Variants in OSBPL1A observed in about 807,000 individuals in gnomAD.
The protein encoded by OSBPL1A is oxysterol-binding protein-related protein 1.
A neutral mutation model predicts 137.1 loss-of-function variants in OSBPL1A; 80 were observed. That is an observed-to-expected ratio of 0.58 (90% CI 0.49 to 0.70). The LOEUF is 0.70. Among genes scored for constraint, OSBPL1A ranks in the 30% least tolerant of loss-of-function variants. The probability of loss-of-function intolerance (pLI) is 0.00; values close to 1 mark genes in which losing one functional copy is unlikely to be tolerated. For missense variants in OSBPL1A, 970 were observed against 1,129.4 expected, an observed-to-expected ratio of 0.86 and a Z score of 2.02; for synonymous variants, 365 against 389.7, an observed-to-expected ratio of 0.94 and a Z score of 0.75.
intron 15 of OSBPL1A, among the ~76,000 whole-genome samples, chr18:24,254,122 C>T (rs990583724): frequency 4.6e-5 from 7 of 152,138 alleles, no homozygotes; most frequent in Non-Finnish European, 7.3e-5. Context: ...GTCATAATTT[C>T]CTCAGTTATA....
chr18:24,312,620 G>A (rs2090638895), intron 12 of OSBPL1A, among the ~76,000 whole-genome samples: 1 of 152,110 alleles, frequency 6.6e-6, no homozygotes, highest in African/African-American at 2.4e-5. Context: ...CAAAAAGAAT[G>A]TTTGGCCTAA....
At chr18:24,379,281 AGGCCGAGGCGGGTG>A (rs1334661392) in intron 1 of OSBPL1A, among the ~76,000 whole-genome samples, 1 of 152,180 alleles carries the variant, frequency 6.6e-6, no homozygotes, top group Non-Finnish European at 1.5e-5. Context: ...GCACTTTGAG[AGGCCGAGGCGGGTG>A]GACCACTTGA....
At chr18:24,388,172 G>T (rs1907062647) in intron 1 of OSBPL1A, among the ~76,000 whole-genome samples, 1 of 152,096 alleles carries the variant, frequency 6.6e-6, no homozygotes, top group African/African-American at 2.4e-5. Flanking sequence ...AAGTCCTCAT[G>T]GCAACCTGCC....
intron 15 of OSBPL1A, among the ~76,000 whole-genome samples, chr18:24,275,355 T>G (rs2089820937): frequency 6.6e-6 from 1 of 151,854 alleles, no homozygotes; most frequent in Non-Finnish European, 1.5e-5. Context: ...TGAAGAGTGG[T>G]AGGGAGTGGA....
In OSBPL1A at chr18:24,172,320, A is replaced by G. The variant is rs557607279; in HGVS notation, c.2201+56T>C. The G allele has an allele frequency of 4.3e-4, 567 of 1,313,440 alleles. 1 individual carries two copies. Among genetic ancestry groups the G allele is most frequent in the Non-Finnish European group, 5.2e-4 (476 of 911,128 alleles). 81.4% of individuals were successfully genotyped at this position (1,313,440 alleles called of 1,614,324 possible). A position where few individuals can be genotyped will look rare whatever the true frequency, so the allele number is the denominator to read the frequency against. On this transcript the variant is annotated intron_variant, in intron 22 of 27. Coordinates refer to ENST00000319481, the MANE Select transcript of OSBPL1A (RefSeq NM_080597.4). The stretch of plus-strand genomic sequence containing the variant: ...AAACAAAACAAAAAAACTGATGTCC[A>G]CTAAAACTGCTTGATGAAAACTGAA...
At chr18:24,337,890 A>G (rs1309711678) in intron 5 of OSBPL1A, among the ~76,000 whole-genome samples, 1 of 151,966 alleles carries the variant, frequency 6.6e-6, no homozygotes, top group Non-Finnish European at 1.5e-5. Flanking sequence ...AAGTATCACT[A>G]TGTTTGCAAA....
chr18:24,327,210 C>T (rs770898305), intron 7 of OSBPL1A, among the ~76,000 whole-genome samples: 5 of 151,146 alleles, frequency 3.3e-5, no homozygotes, highest in Admixed American at 2.6e-4. Context: ...CAGGTTCAAG[C>T]GATTCTCCTG....
intron 4 of OSBPL1A, among the ~76,000 whole-genome samples, chr18:24,353,904 A>C (rs1599705346): frequency 8.6e-6 from 1 of 116,614 alleles, no homozygotes; most frequent in Non-Finnish European, 1.7e-5. Context: ...AACATCACAC[A>C]CTGGGGCCTG....
At chr18:24,164,945 C>A (rs61624304) in intron 27 of OSBPL1A, 120 bp downstream of exon 27, 2 of 957,774 alleles carry the variant, frequency 2.1e-6, no homozygotes, top group Non-Finnish European at 3.2e-6. Flanking sequence ...TGGGACAACT[C>A]GGCAGGGTTT....
intron 14 of OSBPL1A, among the ~76,000 whole-genome samples, chr18:24,283,249 A>C (rs564067986): frequency 2.2e-5 from 3 of 136,358 alleles, no homozygotes; most frequent in Non-Finnish European, 3.1e-5. Context: ...TGGGAGACAG[A>C]GCAAGACTCC....
intron 14 of OSBPL1A, among the ~76,000 whole-genome samples, chr18:24,287,300 A>G (rs923382457): frequency 1.3e-5 from 2 of 152,250 alleles, no homozygotes; most frequent in African/African-American, 4.8e-5. Flanking sequence ...GTAAATGGTA[A>G]CTAGGGTTGA....
intron 21 of OSBPL1A, among the ~76,000 whole-genome samples, chr18:24,174,536 T>C (rs970579598): frequency 6.6e-6 from 1 of 152,228 alleles, no homozygotes; most frequent in Admixed American, 6.5e-5. Flanking sequence ...TCTGAAAATA[T>C]TCAAAATCCA....
intron 17 of OSBPL1A, among the ~76,000 whole-genome samples, chr18:24,214,186 G>A (rs1199209568): frequency 1.3e-5 from 2 of 152,188 alleles, no homozygotes; most frequent in South Asian, 2.1e-4. Flanking sequence ...TGGAACAGAC[G>A]GATGTAAAGT....
intron 2 of OSBPL1A, among the ~76,000 whole-genome samples, chr18:24,372,978 C>T (rs948623556): frequency 2.0e-5 from 3 of 152,184 alleles, no homozygotes; most frequent in South Asian, 2.1e-4. Flanking sequence ...GCACAAGAAT[C>T]GCTTGAACCC....
chr18:24,199,129 T>C (rs2087132582), intron 17 of OSBPL1A, among the ~76,000 whole-genome samples: 1 of 151,908 alleles, frequency 6.6e-6, no homozygotes. Context: ...ACAGTGCTGG[T>C]ATTACAGGTG....
chr18:24,177,038 TAAAAG>T (rs2086469338), intron 21 of OSBPL1A, among the ~76,000 whole-genome samples: 1 of 151,958 alleles, frequency 6.6e-6, no homozygotes, highest in South Asian at 2.1e-4. Context: ...GGCAAAGGGG[TAAAAG>T]AAAAGAAAGA....
intron 22 of OSBPL1A, 65 bp from the exon 23 acceptor site, chr18:24,171,563 T>C (rs1232915316): frequency 1.6e-6 from 2 of 1,257,090 alleles, no homozygotes; most frequent in African/African-American, 3.0e-5. Flanking sequence ...GAAAAATAAC[T>C]GTGATCACTT....
At chr18:24,278,035 C>T (rs2089883167) in intron 15 of OSBPL1A, among the ~76,000 whole-genome samples, 1 of 152,188 alleles carries the variant, frequency 6.6e-6, no homozygotes, top group South Asian at 2.1e-4. Flanking sequence ...ACACCCAACT[C>T]TGAGGTGTTT....
At chr18:24,272,561 T>G (rs893416267) in intron 15 of OSBPL1A, among the ~76,000 whole-genome samples, 1 of 152,130 alleles carries the variant, frequency 6.6e-6, no homozygotes, top group East Asian at 1.9e-4. Context: ...AATACCACAC[T>G]TAAGTGGGAT....
Sources: allele counts gnomAD v4.1 joint callset (sites outside exome capture counted in the v4.1 genomes callset), GRCh38; gene constraint gnomAD v4.1.1; transcripts MANE v1.5; gene names NCBI Gene and HGNC (gene_info 2026-07-23, HGNC 2026-07-21).